The following IFT140 variants were observed in gnomAD, a reference collection of about 807,000 sequenced individuals.
IFT140 encodes the protein intraflagellar transport 140, also known as intraflagellar transport protein 140 homolog.
Under a neutral mutation model 164.6 loss-of-function variants are expected in IFT140, and 133 were observed. The ratio of observed to expected loss-of-function variants is 0.81; its 90% confidence interval spans 0.70 to 0.93. IFT140 has a LOEUF of 0.93. IFT140 is among the 40% of genes least tolerant of loss of function. IFT140 has a pLI of 0.00. For missense variants in IFT140, 2,045 were observed against 1,972.3 expected, an observed-to-expected ratio of 1.04 and a Z score of -0.70; for synonymous variants, 860 against 817.3, an observed-to-expected ratio of 1.05 and a Z score of -0.89.
chr16:1,604,317 G>GT (rs10701132), intron 3 of IFT140: 14,085 of 124,816 alleles, frequency 0.11, 1,044 homozygotes, highest in Admixed American at 0.2. Flanking sequence ...GTGTGTGTGT[G>GT]GAGGGGGGAG....
In IFT140 at chr16:1,510,714, C is replaced by A; in HGVS notation, c.*230G>T. On this transcript the variant is annotated 3_prime_UTR_variant, in exon 31 of 31. Transcript: ENST00000426508. ...CCGACTCCCTTCAAAGGAATGAATC[C>A]AAAAATCTAGTGGAGCTGCCGGGCA... is the stretch of plus-strand genomic sequence containing the variant. 1.7e-6 allele frequency: 1 copy of A among 593,006 alleles called. No homozygotes were observed. The highest frequency in any genetic ancestry group is 1.9e-5 in the African/African-American group (1 of 53,568). The allele number at this position is 593,006 out of a possible 1,614,324, so 36.7% of individuals were successfully genotyped here.
intron 19 of IFT140, among the ~76,000 whole-genome samples, chr16:1,544,340 T>G (rs145888109): frequency 8.6e-5 from 13 of 150,538 alleles, no homozygotes; most frequent in African/African-American, 2.9e-4. Flanking sequence ...CCCGCCACCA[T>G]GCCCGGCTAA....
At chr16:1,609,107 A>T (rs2036218558) in intron 2 of IFT140, among the ~76,000 whole-genome samples, 1 of 152,082 alleles carries the variant, frequency 6.6e-6, no homozygotes, top group Admixed American at 6.6e-5. Context: ...GTGAGCCGAG[A>T]TCTTGCCACT....
rs1176495910 is a variant in IFT140 at position 1,559,279 on chromosome 16, C to T, written c.2200-1145G>A. On this transcript the variant is annotated intron_variant, in intron 18 of 30. Coordinates refer to ENST00000426508, the MANE Select transcript of IFT140 (RefSeq NM_014714.4). ...AAGGAAGCGCCCTGACCTCTGATAA[C>T]AATGTCAGCTTGGTGTGGACAGAAT... Among the ~76,000 whole-genome samples, 5 of 152,244 alleles carry T rather than the reference C, an allele frequency of 3.3e-5. No individual in the cohort carries two copies. The East Asian group carries it at 9.6e-4, about 29-fold the overall frequency.
chr16:1,583,297 G>A lies in IFT140; in HGVS notation c.1432+17C>T, dbSNP rs1274170107. The A allele has an allele frequency of 5.0e-6, 8 of 1,611,138 alleles. No homozygotes were observed. The highest frequency in any genetic ancestry group is 3.3e-5 in the Admixed American group (2 of 60,006). ...CCAGGTAGTGGGAGTGCCTCTGTCCGGGTGAAAAGAACCCACCTGCACTCC... is the reference window on the plus strand; with the variant it reads ...CCAGGTAGTGGGAGTGCCTCTGTCCAGGTGAAAAGAACCCACCTGCACTCC... On this transcript the variant is annotated intron_variant, in intron 12 of 30. Coordinates refer to ENST00000426508, the MANE Select transcript of IFT140 (RefSeq NM_014714.4).
At chr16:1,606,152 C>T (rs960433570) in intron 3 of IFT140, among the ~76,000 whole-genome samples, 9 of 152,216 alleles carry the variant, frequency 5.9e-5, no homozygotes, top group African/African-American at 1.9e-4. Flanking sequence ...GCCTCCAGAG[C>T]TGCCAGAATA....
intron 14 of IFT140, among the ~76,000 whole-genome samples, chr16:1,570,395 C>T (rs1185524923): frequency 6.6e-6 from 1 of 152,222 alleles, no homozygotes; most frequent in Non-Finnish European, 1.5e-5. Context: ...GATCCACTCT[C>T]CCAGGGCCTA....
chr16:1,606,382 G>A (rs990292448), intron 3 of IFT140, among the ~76,000 whole-genome samples: 23 of 152,236 alleles, frequency 1.5e-4, no homozygotes, highest in African/African-American at 5.5e-4. Flanking sequence ...AATAGCCAGC[G>A]TGAAAGAACT....
intron 7 of IFT140, among the ~76,000 whole-genome samples, chr16:1,588,614 T>A (rs941647651): frequency 6.6e-6 from 1 of 152,042 alleles, no homozygotes; most frequent in Admixed American, 6.5e-5. Flanking sequence ...TCTGGAGTGA[T>A]CACTAAGTTG....
intron 19 of IFT140, among the ~76,000 whole-genome samples, chr16:1,534,837 C>T (rs1292288132): frequency 3.9e-5 from 6 of 152,212 alleles, no homozygotes; most frequent in Non-Finnish European, 1.5e-5. Flanking sequence ...TTTGGGGGGC[C>T]TCTCTGCCGT....
chr16:1,526,829 C>T lies in IFT140; in HGVS notation c.2400-33G>A, dbSNP rs751503305. Reference sequence around the variant, plus strand: ...CAGACGGGGGTCTGTGAGGCTCCTGCCCAGCACCTCAGGGCCCCCTGGCCC... The same window carrying T: ...CAGACGGGGGTCTGTGAGGCTCCTGTCCAGCACCTCAGGGCCCCCTGGCCC... On this transcript the variant is annotated intron_variant, in intron 19 of 30. Transcript: ENST00000426508. The T allele has an allele frequency of 3.1e-6, 5 of 1,587,880 alleles. No homozygotes were observed. The South Asian group carries it at 4.6e-5, about 14-fold the overall frequency.
rs1342754046 is a variant in IFT140 at position 1,589,613 on chromosome 16, C to T, written c.802G>A (p.Val268Met). 2.5e-6 allele frequency: 4 copies of T among 1,613,924 alleles called. No individual in the cohort carries two copies. The South Asian group carries it at 4.4e-5, about 18-fold the overall frequency. The change falls in exon 7 of 31, where the codon GTG becomes ATG. Residue 268 changes from valine (V) to methionine (M), a missense_variant. Coordinates refer to ENST00000426508, the MANE Select transcript of IFT140 (RefSeq NM_014714.4). ...TVPPEGKAEEVMKVKLSGKTG... is the reference protein window; with the variant it reads ...TVPPEGKAEEMMKVKLSGKTG... ...AGCCCACTCCCACTCACCTTCATCA[C>T]TTCTTCTGCTTTGCCCTCAGGAGGC...
At chr16:1,527,434 G>A (rs1257432244) in intron 19 of IFT140, among the ~76,000 whole-genome samples, 1 of 152,208 alleles carries the variant, frequency 6.6e-6, no homozygotes, top group East Asian at 1.9e-4. Context: ...GTGGGTCACG[G>A]GGGACAGCAC....
At chr16:1,609,231 A>T (rs1243852174) in intron 2 of IFT140, among the ~76,000 whole-genome samples, 1 of 152,218 alleles carries the variant, frequency 6.6e-6, no homozygotes, top group Non-Finnish European at 1.5e-5. Context: ...AGGATCTAAT[A>T]AGTTTACTCT....
At chr16:1,606,210 C>A (rs1486017723) in intron 3 of IFT140, among the ~76,000 whole-genome samples, 3 of 152,222 alleles carry the variant, frequency 2.0e-5, no homozygotes, top group African/African-American at 7.2e-5. Context: ...GATTAGAGTT[C>A]CAAATGGCCC....
intron 19 of IFT140, chr16:1,555,051 A>G: frequency 1.9e-6 from 3 of 1,588,828 alleles, no homozygotes; most frequent in Non-Finnish European, 1.7e-6. Flanking sequence ...CGCTCCATCA[A>G]CGCACACCTG....
At chr16:1,527,085 TC>T (rs2040727549) in intron 19 of IFT140, 1 of 444,718 alleles carries the variant, frequency 2.2e-6, no homozygotes, top group South Asian at 5.2e-5. Flanking sequence ...TTTTCCCTGC[TC>T]TAAGCGGCTG....
At chr16:1,543,984 CCTT>C (rs2031904892) in intron 19 of IFT140, among the ~76,000 whole-genome samples, 4 of 152,036 alleles carry the variant, frequency 2.6e-5, no homozygotes, top group South Asian at 2.1e-4. Context: ...GAAAATAACT[CCTT>C]CTGTAAGATA....
At chr16:1,576,212 G>C (rs1225346381) in intron 13 of IFT140, among the ~76,000 whole-genome samples, 1 of 151,310 alleles carries the variant, frequency 6.6e-6, no homozygotes, top group Non-Finnish European at 1.5e-5. Flanking sequence ...CTTGAACCTG[G>C]GAGGTGGAGG....
Sources: allele counts gnomAD v4.1 joint callset (sites outside exome capture counted in the v4.1 genomes callset), GRCh38; gene constraint gnomAD v4.1.1; transcripts MANE v1.5; gene names NCBI Gene and HGNC (gene_info 2026-07-23, HGNC 2026-07-21).